FMNL2: variants seen among roughly 807,000 people sequenced by gnomAD.
The protein encoded by FMNL2 is formin like 2.
A neutral mutation model predicts 130.2 loss-of-function variants in FMNL2; 51 were observed. The observed-to-expected ratio is 0.39, with a 90% CI of 0.31 to 0.49. FMNL2 has a LOEUF of 0.49. Among genes scored for constraint, FMNL2 ranks in the 20% least tolerant of loss-of-function variants. FMNL2 has a pLI of 0.85. For missense variants in FMNL2, 977 were observed against 1,316.2 expected (o/e 0.74, Z 3.99); for synonymous variants, 465 against 467.1 (o/e 1.00, Z 0.06).
intron 7 of FMNL2, among the ~76,000 whole-genome samples, chr2:152,575,613 A>G (rs1180724555): frequency 6.6e-6 from 1 of 152,216 alleles, no homozygotes; most frequent in Non-Finnish European, 1.5e-5. Context: ...ATAAATATAT[A>G]TAATTTGTGA....
At chr2:152,498,784 T>C (rs1691653919) in intron 1 of FMNL2, among the ~76,000 whole-genome samples, 1 of 152,164 alleles carries the variant, frequency 6.6e-6, no homozygotes, top group Admixed American at 6.5e-5. Context: ...TGGGAGATCA[T>C]CAAGGAAAAT....
Position 152,647,192 on chromosome 2 carries a change from T to G in FMNL2, c.3170-604T>G, listed in dbSNP as rs78251833. 5.1e-3 allele frequency among the ~76,000 whole-genome samples: 780 copies of G among 152,182 alleles called. 6 individuals are homozygous for G. Among genetic ancestry groups the G allele is most frequent in the Middle Eastern group, 0.014 (4 of 294 alleles). The stretch of plus-strand genomic sequence containing the variant: ...ACAAGACCCCATTTCTTAAAAAAAA[T>G]AGGTGGCAGAAAAGGATGCCAGGGA... On this transcript the variant is annotated intron_variant, in intron 25 of 25. Coordinates refer to ENST00000288670, the MANE Select transcript of FMNL2 (RefSeq NM_052905.4).
intron 9 of FMNL2, among the ~76,000 whole-genome samples, chr2:152,582,922 T>G (rs967004393): frequency 5.3e-5 from 8 of 152,212 alleles, no homozygotes; most frequent in Non-Finnish European, 1.0e-4. Context: ...CCTAAAGATA[T>G]ATTTGTATAG....
At chr2:152,456,663 G>T (rs1328480185) in intron 1 of FMNL2, among the ~76,000 whole-genome samples, 1 of 152,104 alleles carries the variant, frequency 6.6e-6, no homozygotes, top group Admixed American at 6.5e-5. Context: ...AACATTTGGG[G>T]CCGGGCGCGG....
intron 10 of FMNL2, among the ~76,000 whole-genome samples, chr2:152,609,522 GA>G (rs1312507782): frequency 2.0e-5 from 3 of 152,096 alleles, no homozygotes; most frequent in African/African-American, 7.2e-5. Context: ...GTGGACAAAA[GA>G]AAACAAAAAC....
chr2:152,338,357 C>T (rs1052877148), intron 1 of FMNL2, among the ~76,000 whole-genome samples: 1 of 152,144 alleles, frequency 6.6e-6, no homozygotes, highest in Non-Finnish European at 1.5e-5. Context: ...AGAACAGTTC[C>T]TCCCAACTTC....
At chr2:152,508,915 C>T (rs1692332073) in intron 1 of FMNL2, among the ~76,000 whole-genome samples, 1 of 152,156 alleles carries the variant, frequency 6.6e-6, no homozygotes. Flanking sequence ...CCAAGTCCAG[C>T]ACTTAAAATG....
intron 6 of FMNL2, among the ~76,000 whole-genome samples, chr2:152,567,674 C>T (rs1425533917): frequency 2.6e-5 from 4 of 152,168 alleles, no homozygotes; most frequent in African/African-American, 7.2e-5. Context: ...GTTCTATTAG[C>T]CCAGACCTTG....
At chr2:152,460,790 G>A (rs1327500509) in intron 1 of FMNL2, among the ~76,000 whole-genome samples, 1 of 152,174 alleles carries the variant, frequency 6.6e-6, no homozygotes, top group Non-Finnish European at 1.5e-5. Flanking sequence ...TCCAATGCCT[G>A]ATGATCTGTT....
chr2:152,383,273 C>CTTTTTTTTTTTTT (rs35206829), intron 1 of FMNL2, among the ~76,000 whole-genome samples: 38 of 97,596 alleles, frequency 3.9e-4, no homozygotes, highest in Non-Finnish European at 5.3e-4. Flanking sequence ...TCCGTTAATC[C>CTTTTTTTTTTTTT]TTTTTTTTTT....
At chr2:152,440,053 C>T (rs1020198278) in intron 1 of FMNL2, among the ~76,000 whole-genome samples, 3 of 151,908 alleles carry the variant, frequency 2.0e-5, no homozygotes, top group South Asian at 2.1e-4. Context: ...GAGAAGTGGA[C>T]GTGAAACCCC....
chr2:152,616,417 G>T (rs1160018806), intron 12 of FMNL2, among the ~76,000 whole-genome samples: 2 of 137,940 alleles, frequency 1.4e-5, no homozygotes, highest in Non-Finnish European at 3.0e-5. Context: ...TGCAACCTCT[G>T]CCTCCTGGGT....
chr2:152,344,178 A>C (rs1681975827), intron 1 of FMNL2, among the ~76,000 whole-genome samples: 1 of 151,864 alleles, frequency 6.6e-6, no homozygotes, highest in African/African-American at 2.4e-5. Context: ...AAAAACAGAA[A>C]CCCACAAATG....
intron 1 of FMNL2, chr2:152,390,595 A>G (rs1685056894): frequency 2.4e-6 from 3 of 1,263,004 alleles, no homozygotes; most frequent in African/African-American, 1.5e-5. Flanking sequence ...TTCATGGATC[A>G]GCATCTGGAG....
At chr2:152,353,906 C>A (rs1027737256) in intron 1 of FMNL2, among the ~76,000 whole-genome samples, 11 of 266 alleles carry the variant, frequency 0.041, no homozygotes, top group Admixed American at 0.31. Flanking sequence ...GAAGCAGGGC[C>A]CCCAGAACGC....
At chr2:152,537,703 A>T (rs1211470462) in intron 2 of FMNL2, among the ~76,000 whole-genome samples, 1 of 152,238 alleles carries the variant, frequency 6.6e-6, no homozygotes, top group East Asian at 1.9e-4. Context: ...TGTGCCAAGT[A>T]TTCTTTTACA....
chr2:152,578,039 C>T (rs543560051), intron 7 of FMNL2, among the ~76,000 whole-genome samples: 1 of 151,990 alleles, frequency 6.6e-6, no homozygotes, highest in Non-Finnish European at 1.5e-5. Context: ...ATATGATGTT[C>T]GTGAGCAGAT....
intron 1 of FMNL2, among the ~76,000 whole-genome samples, chr2:152,380,805 T>C (rs577276898): frequency 6.6e-6 from 1 of 152,326 alleles, no homozygotes; most frequent in African/African-American, 2.4e-5. Flanking sequence ...GGGCTAGAGC[T>C]GCATTATAGC....
chr2:152,534,260 C>T (rs559868939), intron 2 of FMNL2, among the ~76,000 whole-genome samples: 1 of 152,292 alleles, frequency 6.6e-6, no homozygotes, highest in East Asian at 1.9e-4. Flanking sequence ...AAAGCAGCTT[C>T]TTTAGCTCCT....
Sources: gnomAD v4.1 joint callset for allele counts (sites outside exome capture counted in the v4.1 genomes callset) on GRCh38, gnomAD v4.1.1 for gene constraint, MANE v1.5 for transcripts, NCBI Gene and HGNC (gene_info 2026-07-23, HGNC 2026-07-21) for gene names.